The following SLCO5A1 variants were observed in gnomAD, a reference collection of about 807,000 sequenced individuals.
The protein encoded by SLCO5A1 is solute carrier organic anion transporter family member 5A1, also known as organic anion transporter polypeptide-related protein 4.
In SLCO5A1, 39 loss-of-function variants were observed where a neutral mutation model predicts 65.1. That is an observed-to-expected ratio of 0.60 (90% CI 0.46 to 0.78). The LOEUF (loss-of-function observed/expected upper bound fraction) is 0.78, where lower values mean the gene tolerates loss of function less well. Among genes scored for constraint, SLCO5A1 ranks in the 30% least tolerant of loss-of-function variants. The pLI is 0.00. For missense variants in SLCO5A1, 1,029 were observed against 1,069.4 expected (o/e 0.96, Z 0.53); for synonymous variants, 438 against 415.7 (o/e 1.05, Z -0.65).
Position 69,832,997 on chromosome 8 carries a change from G to T in SLCO5A1, c.-324C>A. The T allele has an allele frequency of 1.2e-5, 3 of 242,076 alleles. No individual in the cohort carries two copies. Among genetic ancestry groups the T allele is most frequent in the South Asian group, 1.6e-4 (2 of 12,318 alleles). 15.0% of individuals were successfully genotyped at this position (242,076 alleles called of 1,614,324 possible). On this transcript the variant is annotated 5_prime_UTR_variant, in exon 2 of 10. Coordinates refer to ENST00000260126, the MANE Select transcript of SLCO5A1 (RefSeq NM_030958.3). The surrounding 1 kb of genome is among the most constrained non-coding windows in gnomAD (Gnocchi z 4.5). ...CGCGCGTCCCGGGCTCATCCCCTCC[G>T]CCGCCGCCGCCGCCGCCGCCGCTGG... is the stretch of plus-strand genomic sequence containing the variant.
intron 6 of SLCO5A1, among the ~76,000 whole-genome samples, chr8:69,701,375 T>C (rs1814729259): frequency 6.6e-6 from 1 of 152,154 alleles, no homozygotes; most frequent in South Asian, 2.1e-4. Flanking sequence ...GAGATATTAG[T>C]TCAGACCAGG....
intron 5 of SLCO5A1, among the ~76,000 whole-genome samples, chr8:69,714,476 G>T (rs1299577472): frequency 1.3e-5 from 2 of 152,128 alleles, no homozygotes; most frequent in Non-Finnish European, 1.5e-5. Flanking sequence ...TAAGCTGGGG[G>T]GATAGCTCGC....
chr8:69,832,558 G>A lies in SLCO5A1; in HGVS notation c.116C>T (p.Pro39Leu). 1 of 1,611,572 alleles carries A rather than the reference G, an allele frequency of 6.2e-7. No homozygotes were observed. Among genetic ancestry groups the A allele is most frequent in the Non-Finnish European group, 8.5e-7 (1 of 1,178,880 alleles). Residue 39 changes from proline to leucine, a missense_variant, in exon 2 of 10, where the codon CCG (proline) becomes CTG (leucine). Transcript: ENST00000260126. This position sits in a 1 kb window ranked among gnomAD's most constrained non-coding sequence, Gnocchi z 4.5. The part of the protein sequence containing the change: ...EPETLRSKSL[P>L]VLSSASCRPS... Reference sequence around the variant, plus strand: ...CCGGCAGGAGGCGCTGCTGAGGACCGGTAAACTCTTAGACCTGAGGGTCTC... The same window carrying A: ...CCGGCAGGAGGCGCTGCTGAGGACCAGTAAACTCTTAGACCTGAGGGTCTC...
intron 2 of SLCO5A1, 120 bp from the exon 3 acceptor site, chr8:69,761,995 C>T (rs751332907): frequency 1.6e-5 from 20 of 1,242,836 alleles, no homozygotes; most frequent in South Asian, 3.1e-5. Context: ...CTTCCAAAAA[C>T]GGAGACCTTT....
chr8:69,743,395 C>T (rs935683153), intron 4 of SLCO5A1, among the ~76,000 whole-genome samples: 6 of 152,168 alleles, frequency 3.9e-5, no homozygotes, highest in Non-Finnish European at 7.4e-5. Flanking sequence ...CTCTTTTGCC[C>T]AGACCAGTAT....
At chr8:69,713,986 A>G (rs948790183) in intron 5 of SLCO5A1, among the ~76,000 whole-genome samples, 2 of 152,356 alleles carry the variant, frequency 1.3e-5, no homozygotes, top group Non-Finnish European at 2.9e-5. Context: ...ACTACTAAAA[A>G]GATTATTTAA....
At chr8:69,795,501 C>T (rs1046414133) in intron 2 of SLCO5A1, among the ~76,000 whole-genome samples, 1 of 152,212 alleles carries the variant, frequency 6.6e-6, no homozygotes, top group African/African-American at 2.4e-5. Context: ...CTCCAAGTCC[C>T]ACATCCAAGG....
In SLCO5A1 at chr8:69,672,623, A is replaced by T; in HGVS notation, c.*246T>A. The T allele has an allele frequency of 1.9e-6, 1 of 525,540 alleles. No individual in the cohort carries two copies. The highest frequency in any genetic ancestry group is 3.4e-6 in the Non-Finnish European group (1 of 297,236). The allele number at this position is 525,540 out of a possible 1,614,324, so 32.6% of individuals were successfully genotyped here. On this transcript the variant is annotated 3_prime_UTR_variant, in exon 10 of 10. Transcript: ENST00000260126. ...GTAGGGGAGCATGAGCTTTGAATTA[A>T]CACAACGGAAATGGGAACAAATCTA... is the stretch of plus-strand genomic sequence containing the variant.
chr8:69,675,811 G>A (rs1036258136), intron 9 of SLCO5A1, among the ~76,000 whole-genome samples: 1 of 152,170 alleles, frequency 6.6e-6, no homozygotes, highest in African/African-American at 2.4e-5. Flanking sequence ...ACTGATTACT[G>A]AGGAGAAAAT....
chr8:69,737,961 A>C, intron 5 of SLCO5A1, 79 bp downstream of exon 5: 1 of 1,480,044 alleles, frequency 6.8e-7, no homozygotes, highest in Non-Finnish European at 9.2e-7. Context: ...TCGATGTTAG[A>C]TTGAACTTTC....
chr8:69,731,724 C>T (rs1361669595), intron 5 of SLCO5A1, among the ~76,000 whole-genome samples: 14 of 152,150 alleles, frequency 9.2e-5, no homozygotes, highest in Admixed American at 5.2e-4. Flanking sequence ...TTCCTAATAG[C>T]GTCTATTCAT....
chr8:69,708,020 G>A (rs1815053235), intron 5 of SLCO5A1, among the ~76,000 whole-genome samples: 1 of 152,122 alleles, frequency 6.6e-6, no homozygotes, highest in South Asian at 2.1e-4. Flanking sequence ...TAAATGAGAT[G>A]TTCCAACAAG....
intron 5 of SLCO5A1, among the ~76,000 whole-genome samples, chr8:69,727,555 C>T (rs1816139814): frequency 6.6e-6 from 1 of 152,188 alleles, no homozygotes; most frequent in Non-Finnish European, 1.5e-5. Context: ...AGAGGACTCC[C>T]TCCCACTGCA....
At chr8:69,705,284 CTTA>C in intron 5 of SLCO5A1, 55 bp from the exon 6 acceptor site, 3 of 1,546,062 alleles carry the variant, frequency 1.9e-6, no homozygotes, top group Non-Finnish European at 2.7e-6. Context: ...TATTATTCAT[CTTA>C]TCTATTCTGT....
At chr8:69,777,420 C>A (rs1818606574) in intron 2 of SLCO5A1, among the ~76,000 whole-genome samples, 1 of 148,142 alleles carries the variant, frequency 6.8e-6, no homozygotes, top group Non-Finnish European at 1.5e-5. Context: ...AGGAGGGATT[C>A]AAAAGAGGCC....
At chr8:69,808,300 T>C (rs575551962) in intron 2 of SLCO5A1, among the ~76,000 whole-genome samples, 1 of 152,110 alleles carries the variant, frequency 6.6e-6, no homozygotes, top group Non-Finnish European at 1.5e-5. Flanking sequence ...CATTGGTTGT[T>C]TTTCCTGATC....
chr8:69,797,135 A>G (rs1389027821), intron 2 of SLCO5A1, among the ~76,000 whole-genome samples: 1 of 152,206 alleles, frequency 6.6e-6, no homozygotes, highest in Non-Finnish European at 1.5e-5. Flanking sequence ...GATTTCATGG[A>G]CATTTGTTAG....
rs960126526 is a variant in SLCO5A1 at position 69,764,667 on chromosome 8, G to A, written c.908-2792C>T. 2.0e-5 allele frequency among the ~76,000 whole-genome samples: 3 copies of A among 152,128 alleles called. 1 individual carries two copies. The highest frequency in any genetic ancestry group is 7.2e-5 in the African/African-American group (3 of 41,422). On this transcript the variant is annotated intron_variant, in intron 2 of 9. Coordinates refer to ENST00000260126, the MANE Select transcript of SLCO5A1 (RefSeq NM_030958.3). ...GTTTATAGTCTAGACTGTAACTCAA[G>A]AATAGAAAGTACTTTTTCTGTTATA...
At chr8:69,779,536 G>A (rs1184148742) in intron 2 of SLCO5A1, among the ~76,000 whole-genome samples, 1 of 152,122 alleles carries the variant, frequency 6.6e-6, no homozygotes, top group Non-Finnish European at 1.5e-5. Context: ...AATCATAACT[G>A]TTATTTAATG....
Sources: gnomAD v4.1 joint callset for allele counts (sites outside exome capture counted in the v4.1 genomes callset) on GRCh38, gnomAD v4.1.1 for gene constraint, Gnocchi (gnomAD v3.1) non-coding constraint, MANE v1.5 for transcripts, NCBI Gene and HGNC (gene_info 2026-07-23, HGNC 2026-07-21) for gene names.